CDH18: variants seen among roughly 807,000 people sequenced by gnomAD.
CDH18 encodes the protein cadherin 18.
A neutral mutation model predicts 67.9 loss-of-function variants in CDH18; 31 were observed. That is an observed-to-expected ratio of 0.46 (90% confidence interval 0.34 to 0.62). CDH18 has a LOEUF of 0.62. CDH18 is among the 20% of genes least tolerant of loss of function. The pLI, the probability that CDH18 is intolerant of heterozygous loss-of-function variation, is 0.01. For missense variants in CDH18, 890 were observed against 975.5 expected, an observed-to-expected ratio of 0.91 and a Z score of 1.17; for synonymous variants, 362 against 347.2, an observed-to-expected ratio of 1.04 and a Z score of -0.48.
At chr5:19,492,779 T>A (rs1741677845) in intron 11 of CDH18, among the ~76,000 whole-genome samples, 1 of 152,154 alleles carries the variant, frequency 6.6e-6, no homozygotes, top group Non-Finnish European at 1.5e-5. Context: ...ATTCTCTGAA[T>A]CAATGTTAAA....
At chr5:19,772,073 G>A (rs1164359170) in intron 3 of CDH18, among the ~76,000 whole-genome samples, 3 of 152,056 alleles carry the variant, frequency 2.0e-5, no homozygotes, top group Non-Finnish European at 2.9e-5. Context: ...TTTTCTCTAA[G>A]ATGATCGAAC....
chr5:20,571,159 A>C (rs1362967945), intron 1 of CDH18, among the ~76,000 whole-genome samples: 1 of 152,160 alleles, frequency 6.6e-6, no homozygotes, highest in Non-Finnish European at 1.5e-5. Flanking sequence ...AGACATAGAA[A>C]TATTACATGA....
chr5:20,563,062 C>T (rs1471099466), intron 1 of CDH18, among the ~76,000 whole-genome samples: 2 of 151,004 alleles, frequency 1.3e-5, no homozygotes, highest in African/African-American at 4.9e-5. Context: ...AAAAACTTAA[C>T]TCCAAAAGTA....
At chr5:20,178,455 T>C (rs1211705874) in intron 2 of CDH18, among the ~76,000 whole-genome samples, 1 of 151,736 alleles carries the variant, frequency 6.6e-6, no homozygotes, top group Non-Finnish European at 1.5e-5. Context: ...TTTCCACTGC[T>C]AGCTAATTAA....
intron 2 of CDH18, among the ~76,000 whole-genome samples, chr5:20,172,765 C>T (rs1041240159): frequency 4.0e-5 from 6 of 151,838 alleles, no homozygotes; most frequent in African/African-American, 1.2e-4. Flanking sequence ...CCAAGGCAGG[C>T]GGATCACCTG....
chr5:20,529,040 CA>C (rs1359436092), intron 1 of CDH18, among the ~76,000 whole-genome samples: 10 of 151,802 alleles, frequency 6.6e-5, no homozygotes, highest in African/African-American at 2.4e-4. Flanking sequence ...CAAAAAAATA[CA>C]ATCAGAAATG....
At chr5:20,166,275 T>C (rs985873406) in intron 2 of CDH18, among the ~76,000 whole-genome samples, 1 of 151,268 alleles carries the variant, frequency 6.6e-6, no homozygotes, top group Non-Finnish European at 1.5e-5. Context: ...ACCCTGTCTC[T>C]ACTAAAAATA....
chr5:20,520,646 A>G (rs1166635922), intron 1 of CDH18, among the ~76,000 whole-genome samples: 3 of 152,170 alleles, frequency 2.0e-5, no homozygotes, highest in African/African-American at 7.2e-5. Flanking sequence ...TTATTCCCAG[A>G]TTTTGTAGAT....
intron 1 of CDH18, among the ~76,000 whole-genome samples, chr5:20,518,751 T>C (rs1004144351): frequency 1.3e-5 from 2 of 152,186 alleles, no homozygotes; most frequent in Non-Finnish European, 2.9e-5. Context: ...TTATCCGTCG[T>C]ATTCAGAAGT....
At chr5:20,328,473 TTGTGTGTGTGTGTGTG>T (rs70954646) in intron 1 of CDH18, among the ~76,000 whole-genome samples, 2 of 141,312 alleles carry the variant, frequency 1.4e-5, no homozygotes, top group African/African-American at 2.7e-5. Flanking sequence ...GAGAAGCCAT[TTGTGTGTGTGTGTGTG>T]TGTGTGTGTG....
chr5:19,964,433 A>G (rs1164118337), intron 2 of CDH18, among the ~76,000 whole-genome samples: 1 of 150,986 alleles, frequency 6.6e-6, no homozygotes, highest in Non-Finnish European at 1.5e-5. Flanking sequence ...AAAAAAAAAA[A>G]GAAAAGAAAA....
intron 3 of CDH18, among the ~76,000 whole-genome samples, chr5:19,759,719 G>T (rs1772088406): frequency 6.6e-6 from 1 of 152,136 alleles, no homozygotes; most frequent in Admixed American, 6.5e-5. Flanking sequence ...CCAATGCATG[G>T]TTAACCTGAT....
intron 5 of CDH18, among the ~76,000 whole-genome samples, chr5:19,638,977 G>GTTTTTTTTTTTTTTTTTTTTTTTTTGT (rs1753594278): frequency 1.8e-5 from 1 of 54,686 alleles, no homozygotes; most frequent in Non-Finnish European, 3.7e-5. Context: ...TTTTGTTGCT[G>GTTTTTTTTTTTTTTTTTTTTTTTTTGT]TTTTTTTTTT....
chr5:19,964,703 G>A (rs1797259609), intron 2 of CDH18, among the ~76,000 whole-genome samples: 1 of 150,220 alleles, frequency 6.7e-6, no homozygotes. Context: ...AAATTCTGAG[G>A]TATAATATGG....
At chr5:19,783,872 A>G (rs1775400893) in intron 3 of CDH18, among the ~76,000 whole-genome samples, 1 of 152,202 alleles carries the variant, frequency 6.6e-6, no homozygotes, top group Non-Finnish European at 1.5e-5. Context: ...TGGCTACTAC[A>G]CACTTTAAAT....
chr5:19,509,257 A>G (rs151309966), intron 10 of CDH18, among the ~76,000 whole-genome samples: 4 of 152,252 alleles, frequency 2.6e-5, no homozygotes, highest in African/African-American at 9.6e-5. Context: ...AAAGGAACAT[A>G]AAGATGAAAA....
intron 1 of CDH18, among the ~76,000 whole-genome samples, chr5:20,571,979 G>T (rs886348594): frequency 1.3e-5 from 2 of 152,172 alleles, no homozygotes; most frequent in South Asian, 2.1e-4. Context: ...GAGATGGGAG[G>T]AATGTTTTTC....
chr5:19,643,776 C>A (rs915822917), intron 5 of CDH18, among the ~76,000 whole-genome samples: 1 of 152,010 alleles, frequency 6.6e-6, no homozygotes. Flanking sequence ...AACAATGTGA[C>A]TATAGCTAAA....
intron 2 of CDH18, among the ~76,000 whole-genome samples, chr5:19,970,515 A>G (rs942214381): frequency 6.6e-5 from 10 of 151,574 alleles, no homozygotes; most frequent in African/African-American, 2.4e-4. Flanking sequence ...GTAAATTGGT[A>G]TATTATATAG....
Sources: gnomAD v4.1 joint callset for allele counts (sites outside exome capture counted in the v4.1 genomes callset) on GRCh38, gnomAD v4.1.1 for gene constraint, MANE v1.5 for transcripts, NCBI Gene and HGNC (gene_info 2026-07-23, HGNC 2026-07-21) for gene names.